FBLN1: variants seen among roughly 807,000 people sequenced by gnomAD.
The protein encoded by FBLN1 is fibulin-1.
Under a neutral mutation model 89.7 loss-of-function variants are expected in FBLN1, and 34 were observed. That is an observed-to-expected ratio of 0.38 (90% confidence interval 0.29 to 0.50). FBLN1 has a LOEUF of 0.50. Among genes scored for constraint, FBLN1 ranks in the 20% least tolerant of loss-of-function variants. FBLN1 has a pLI of 0.92. For missense variants in FBLN1, 777 were observed against 988.1 expected (o/e 0.79, Z 2.86); for synonymous variants, 393 against 391.3 (o/e 1.00, Z -0.05).
At chr22:45,592,141 C>G (rs191370169) in intron 16 of FBLN1, among the ~76,000 whole-genome samples, 5 of 152,284 alleles carry the variant, frequency 3.3e-5, no homozygotes, top group African/African-American at 1.2e-4. Context: ...AGTAGCGCCT[C>G]ATTTTTCTCC....
At chr22:45,547,743 G>C (rs969359095) in intron 12 of FBLN1, among the ~76,000 whole-genome samples, 1 of 151,948 alleles carries the variant, frequency 6.6e-6, no homozygotes, top group Non-Finnish European at 1.5e-5. Flanking sequence ...TTAAGCGTGA[G>C]GGTGGGAAGG....
intron 14 of FBLN1, chr22:45,551,231 CT>C (rs2088697356): frequency 5.8e-6 from 1 of 172,738 alleles, no homozygotes; most frequent in Non-Finnish European, 1.3e-5. Flanking sequence ...CCCCTTGCCC[CT>C]AATTGTATTC....
intron 16 of FBLN1, among the ~76,000 whole-genome samples, chr22:45,585,500 G>A (rs1397064065): frequency 1.3e-5 from 2 of 152,212 alleles, no homozygotes; most frequent in South Asian, 2.1e-4. Flanking sequence ...AAACAACAGC[G>A]CGGCCGTCCC....
In FBLN1 at chr22:45,537,575, G is replaced by C. The variant is rs149558655; in HGVS notation, c.922+2238G>C. 3.3e-5 allele frequency among the ~76,000 whole-genome samples: 5 copies of C among 151,754 alleles called. No individual in the cohort carries two copies. The highest frequency in any genetic ancestry group is 4.8e-5 in the African/African-American group (2 of 41,302). ...GTGGAGGTTGTAGTGAGCCAAGATCGTGCCACTGCACTCCAGCCTGGACAA... is the reference window on the plus strand; with the variant it reads ...GTGGAGGTTGTAGTGAGCCAAGATCCTGCCACTGCACTCCAGCCTGGACAA... On this transcript the variant is annotated intron_variant, in intron 8 of 16. Transcript: ENST00000327858. This position sits in a 1 kb window ranked among gnomAD's most constrained non-coding sequence, Gnocchi z 5.7.
chr22:45,543,803 A>G (rs1025993699), intron 11 of FBLN1, among the ~76,000 whole-genome samples: 2 of 152,172 alleles, frequency 1.3e-5, no homozygotes, highest in African/African-American at 4.8e-5. Flanking sequence ...GGCTTGGAGC[A>G]TGACACCCAC....
In FBLN1 at chr22:45,562,530, C is replaced by T. The variant is rs114858348; in HGVS notation, c.1697+11915C>T. Among the ~76,000 whole-genome samples, 57 of 152,308 alleles carry T rather than the reference C, an allele frequency of 3.7e-4. No homozygotes were observed. Among genetic ancestry groups the T allele is most frequent in the African/African-American group, 1.2e-3 (48 of 41,574 alleles). On this transcript the variant is annotated intron_variant, in intron 14 of 16. Transcript: ENST00000327858. The surrounding 1 kb of genome is among the most constrained non-coding windows in gnomAD (Gnocchi z 7.8). Reference sequence around the variant, plus strand: ...AGATAGTCATTTCATGGGTCACCTCCGAGACACAACCAAGAGCCCTGCGTA... The same window carrying T: ...AGATAGTCATTTCATGGGTCACCTCTGAGACACAACCAAGAGCCCTGCGTA...
chr22:45,516,370 C>T (rs377630591), intron 1 of FBLN1, among the ~76,000 whole-genome samples: 1 of 152,206 alleles, frequency 6.6e-6, no homozygotes, highest in African/African-American at 2.4e-5. Context: ...ATGGCTGGAT[C>T]ACATCCTGTT....
rs1334433143 is a variant in FBLN1 at position 45,550,616 on chromosome 22, G to A, written c.1697+1G>A. 7 of 1,613,944 alleles carry A rather than the reference G, an allele frequency of 4.3e-6. No individual in the cohort carries two copies. Among genetic ancestry groups the A allele is most frequent in the Non-Finnish European group, 5.9e-6 (7 of 1,180,056 alleles). ...AGAACTACCGCCGCTCCGCAGCCACGTAAGTCCCTTGGACCATGCCATCGT... is the reference window on the plus strand; with the variant it reads ...AGAACTACCGCCGCTCCGCAGCCACATAAGTCCCTTGGACCATGCCATCGT... On this transcript the variant is annotated splice_donor_variant, in intron 14 of 16. Coordinates refer to ENST00000327858, the MANE Select transcript of FBLN1 (RefSeq NM_006486.3). LOFTEE classifies it high-confidence loss of function. The surrounding 1 kb of genome is among the most constrained non-coding windows in gnomAD (Gnocchi z 8.4).
rs777023014 is a variant in FBLN1, at chr22:45,575,394, G to A, written c.1840+741G>A. Among the ~76,000 whole-genome samples, 2 of 152,064 alleles carry A rather than the reference G, an allele frequency of 1.3e-5. No individual in the cohort carries two copies. The highest frequency in any genetic ancestry group is 2.9e-5 in the Non-Finnish European group (2 of 68,016). On this transcript the variant is annotated intron_variant, in intron 15 of 16. Transcript: ENST00000327858. This position sits in a 1 kb window ranked among gnomAD's most constrained non-coding sequence, Gnocchi z 6.3. ...GGAGGTATGGGGGGGCGGTGTGGGC[G>A]TTTGAGAAACTGAGCCAAGGTTTTC...
chr22:45,518,278 G>T (rs1479528012), intron 1 of FBLN1, among the ~76,000 whole-genome samples: 1 of 152,148 alleles, frequency 6.6e-6, no homozygotes, highest in Non-Finnish European at 1.5e-5. Context: ...GGGCTGGCCG[G>T]CAGCATGGCC....
chr22:45,526,692 G>T (rs1005076129), intron 3 of FBLN1, among the ~76,000 whole-genome samples: 1 of 152,206 alleles, frequency 6.6e-6, no homozygotes, highest in African/African-American at 2.4e-5. Context: ...GGAGGAGTTG[G>T]GGGTCCCGAG....
At chr22:45,558,218 T>C in intron 14 of FBLN1, 3 of 598,828 alleles carry the variant, frequency 5.0e-6, no homozygotes, top group Non-Finnish European at 6.2e-6. Flanking sequence ...CGATCACGTA[T>C]ATACCACTTC....
At chr22:45,547,739 G>A (rs758433140) in intron 12 of FBLN1, among the ~76,000 whole-genome samples, 4 of 152,032 alleles carry the variant, frequency 2.6e-5, no homozygotes, top group South Asian at 2.1e-4. Context: ...ATCCTTAAGC[G>A]TGAGGGTGGG....
rs1376568711 is a variant in FBLN1, at chr22:45,536,147, C to G, written c.922+810C>G. On this transcript the variant is annotated intron_variant, in intron 8 of 16. Coordinates refer to ENST00000327858, the MANE Select transcript of FBLN1 (RefSeq NM_006486.3). This position sits in a 1 kb window ranked among gnomAD's most constrained non-coding sequence, Gnocchi z 5.1. Reference sequence around the variant, plus strand: ...TGTGATCGTGCTACTGCACTCCAGTCTGGGCAACAGAGCAAGACCCTGTCT... The same window carrying G: ...TGTGATCGTGCTACTGCACTCCAGTGTGGGCAACAGAGCAAGACCCTGTCT... Among the ~76,000 whole-genome samples the G allele has an allele frequency of 6.6e-6, 1 of 152,080 alleles. No individual in the cohort carries two copies. The highest frequency in any genetic ancestry group is 1.5e-5 in the Non-Finnish European group (1 of 68,008).
chr22:45,572,956 T>C lies in FBLN1; in HGVS notation c.1698-1555T>C, dbSNP rs914006154. ...TGGAAAATAAAGGAGGCCGGGCACG[T>C]TGGCTCACGCCTGTAATCCCAACAC... On this transcript the variant is annotated intron_variant, in intron 14 of 16. Coordinates refer to ENST00000327858, the MANE Select transcript of FBLN1 (RefSeq NM_006486.3). This position sits in a 1 kb window ranked among gnomAD's most constrained non-coding sequence, Gnocchi z 5.8. Among the ~76,000 whole-genome samples, 1 of 152,184 alleles carries C rather than the reference T, an allele frequency of 6.6e-6. No individual in the cohort carries two copies. Among genetic ancestry groups the C allele is most frequent in the Non-Finnish European group, 1.5e-5 (1 of 68,022 alleles).
rs986615992 is a variant in FBLN1 at position 45,588,363 on chromosome 22, C to A, written c.1972+11255C>A. Among the ~76,000 whole-genome samples, 1 of 152,080 alleles carries A rather than the reference C, an allele frequency of 6.6e-6. No individual in the cohort carries two copies. The highest frequency in any genetic ancestry group is 2.4e-5 in the African/African-American group (1 of 41,416). ...ATGCTTGTGCTGGGGGGAGGGGTGT[C>A]GTGAAAAGGGAAACACCAGGAGTTG... On this transcript the variant is annotated intron_variant, in intron 16 of 16. Coordinates refer to ENST00000327858, the MANE Select transcript of FBLN1 (RefSeq NM_006486.3). This position sits in a 1 kb window ranked among gnomAD's most constrained non-coding sequence, Gnocchi z 5.1.
intron 2 of FBLN1, 120 bp from the exon 3 acceptor site, chr22:45,525,423 C>G (rs2088312587): frequency 5.6e-6 from 5 of 892,284 alleles, no homozygotes; most frequent in Non-Finnish European, 7.1e-6. Context: ...ATTTCTCTCT[C>G]TGTGTCTGTG....
rs1213382220 is a variant in FBLN1, at chr22:45,563,776, C to T, written c.1698-10735C>T. On this transcript the variant is annotated intron_variant, in intron 14 of 16. Transcript: ENST00000327858. The surrounding 1 kb of genome is among the most constrained non-coding windows in gnomAD (Gnocchi z 5.7). ...CGGGTCTGCTGGCCCCTGCCTGGTT[C>T]TTTGCTGTATCCCCGGAGGTGAGCA... Among the ~76,000 whole-genome samples the T allele has an allele frequency of 3.3e-5, 5 of 152,176 alleles. 1 individual carries two copies. Among genetic ancestry groups the T allele is most frequent in the Admixed American group, 3.3e-4 (5 of 15,284 alleles).
intron 1 of FBLN1, among the ~76,000 whole-genome samples, chr22:45,511,492 G>C (rs6006760): frequency 0.075 from 11,096 of 148,346 alleles, 502 homozygotes; most frequent in African/African-American, 0.095. Context: ...TGTCACCCAG[G>C]ATGGAGTACA....
Sources: allele counts gnomAD v4.1 joint callset (sites outside exome capture counted in the v4.1 genomes callset), GRCh38; gene constraint gnomAD v4.1.1; non-coding constraint Gnocchi (gnomAD v3.1); transcripts MANE v1.5; gene names NCBI Gene and HGNC (gene_info 2026-07-23, HGNC 2026-07-21).